The following NALF1 variants were observed in gnomAD, a reference collection of about 807,000 sequenced individuals.
The protein encoded by NALF1 is NALCN channel auxiliary factor 1, also known as family with sequence similarity 155 member A.
Under a neutral mutation model 48.4 loss-of-function variants are expected in NALF1, and 3 were observed. That is an observed-to-expected ratio of 0.06 (90% CI 0.03 to 0.16). NALF1 has a LOEUF of 0.16. Ranked by LOEUF, NALF1 falls within the 10% of genes least tolerant of loss-of-function variation. The pLI is 1.00. For synonymous variants in NALF1, 262 were observed against 245.7 expected, an observed-to-expected ratio of 1.07 and a Z score of -0.62; for missense variants, 526 against 571.5, an observed-to-expected ratio of 0.92 and a Z score of 0.81.
chr13:107,714,614 G>GT (rs1875695294), intron 1 of NALF1, among the ~76,000 whole-genome samples: 1 of 59,836 alleles, frequency 1.7e-5, no homozygotes, highest in Admixed American at 2.4e-4. Flanking sequence ...GGGTGACAGA[G>GT]TGAGGCTTTA....
chr13:107,575,207 GA>G (rs1248689038), intron 1 of NALF1, among the ~76,000 whole-genome samples: 2 of 152,074 alleles, frequency 1.3e-5, no homozygotes, highest in African/African-American at 4.8e-5. Flanking sequence ...GAACTTTGGT[GA>G]ATTTTTCACC....
At chr13:107,529,761 G>A (rs1876565769) in intron 1 of NALF1, among the ~76,000 whole-genome samples, 2 of 152,066 alleles carry the variant, frequency 1.3e-5, no homozygotes, top group Non-Finnish European at 2.9e-5. Context: ...ACTGCCATGT[G>A]AGAGAGGAAC....
At chr13:107,539,438 G>A (rs750986729) in intron 1 of NALF1, among the ~76,000 whole-genome samples, 28 of 149,838 alleles carry the variant, frequency 1.9e-4, no homozygotes, top group Non-Finnish European at 3.1e-4. Context: ...TATTAGCCCC[G>A]CTTCTCAACA....
At chr13:107,677,514 T>C (rs1881162238) in intron 1 of NALF1, among the ~76,000 whole-genome samples, 1 of 152,110 alleles carries the variant, frequency 6.6e-6, no homozygotes, top group Non-Finnish European at 1.5e-5. Context: ...GCTGAGCACA[T>C]TATTATTTAT....
At position 107,204,890 on chromosome 13, in the gene NALF1, A is replaced by G. The variant is rs750794690; in HGVS notation, c.1087+5694T>C. Among the ~76,000 whole-genome samples, 146 of 146,772 alleles carry G rather than the reference A, an allele frequency of 9.9e-4. 4 individuals are homozygous for G. The highest frequency in any genetic ancestry group is 2.4e-4 in the Non-Finnish European group (16 of 66,712). On this transcript the variant is annotated intron_variant, in intron 2 of 2. Coordinates refer to ENST00000375915, the MANE Select transcript of NALF1 (RefSeq NM_001080396.3). ...CCTGATTTTAAAAAATTAAATGAAC[A>G]TACGCATACGCAGGGGAAAATAAAT... is the stretch of plus-strand genomic sequence containing the variant.
At chr13:107,589,761 T>C (rs1878553347) in intron 1 of NALF1, among the ~76,000 whole-genome samples, 2 of 152,052 alleles carry the variant, frequency 1.3e-5, no homozygotes, top group Admixed American at 6.6e-5. Context: ...GTAAGTTATC[T>C]AGTAAACTTG....
At chr13:107,711,836 G>C (rs1219603952) in intron 1 of NALF1, among the ~76,000 whole-genome samples, 1 of 152,154 alleles carries the variant, frequency 6.6e-6, no homozygotes, top group African/African-American at 2.4e-5. Flanking sequence ...GTTTTTTACT[G>C]TAGCTATTGA....
intron 1 of NALF1, among the ~76,000 whole-genome samples, chr13:107,215,758 C>T (rs1443833947): frequency 6.6e-6 from 1 of 152,120 alleles, no homozygotes; most frequent in Admixed American, 6.5e-5. Context: ...GTGGTGTCCT[C>T]ATGTCCTCTC....
At chr13:107,294,856 G>A (rs1881694757) in intron 1 of NALF1, among the ~76,000 whole-genome samples, 1 of 152,198 alleles carries the variant, frequency 6.6e-6, no homozygotes, top group Non-Finnish European at 1.5e-5. Flanking sequence ...TGGTTATCGA[G>A]AGGATGAAAA....
At chr13:107,529,711 T>G (rs1462851674) in intron 1 of NALF1, among the ~76,000 whole-genome samples, 1 of 152,116 alleles carries the variant, frequency 6.6e-6, no homozygotes, top group Non-Finnish European at 1.5e-5. Flanking sequence ...GATGAATTAA[T>G]TACATCTTTT....
intron 1 of NALF1, among the ~76,000 whole-genome samples, chr13:107,278,444 G>C (rs1048057494): frequency 6.6e-6 from 1 of 152,184 alleles, no homozygotes; most frequent in Non-Finnish European, 1.5e-5. Flanking sequence ...AGGATTATAT[G>C]GGGTTTTGTT....
chr13:107,628,425 G>A (rs1167645500), intron 1 of NALF1, among the ~76,000 whole-genome samples: 1 of 151,992 alleles, frequency 6.6e-6, no homozygotes, highest in Non-Finnish European at 1.5e-5. Flanking sequence ...TTCCTTCAAG[G>A]AGAATGCCAA....
At chr13:107,515,842 T>C (rs1876034804) in intron 1 of NALF1, among the ~76,000 whole-genome samples, 1 of 152,154 alleles carries the variant, frequency 6.6e-6, no homozygotes, top group African/African-American at 2.4e-5. Context: ...AAAGAATAAT[T>C]TCAGGACTTG....
At chr13:107,297,982 T>C (rs1469639069) in intron 1 of NALF1, among the ~76,000 whole-genome samples, 1 of 152,146 alleles carries the variant, frequency 6.6e-6, no homozygotes, top group East Asian at 1.9e-4. Flanking sequence ...GTAAAACCCA[T>C]CTGCTGTCCA....
At chr13:107,855,671 T>C (rs1010502417) in intron 1 of NALF1, among the ~76,000 whole-genome samples, 2 of 152,118 alleles carry the variant, frequency 1.3e-5, no homozygotes, top group African/African-American at 2.4e-5. Context: ...TATAAGGTAA[T>C]AGTGAAGGTA....
chr13:107,557,269 A>G (rs1877508430), intron 1 of NALF1, among the ~76,000 whole-genome samples: 1 of 152,228 alleles, frequency 6.6e-6, no homozygotes, highest in Non-Finnish European at 1.5e-5. Context: ...CAAACAATGC[A>G]AACAAACAAG....
chr13:107,679,713 G>A (rs1408486822), intron 1 of NALF1, among the ~76,000 whole-genome samples: 1 of 152,104 alleles, frequency 6.6e-6, no homozygotes, highest in African/African-American at 2.4e-5. Context: ...GGGCAACCTG[G>A]CCTTCCCTGG....
intron 1 of NALF1, among the ~76,000 whole-genome samples, chr13:107,675,077 C>A (rs1881081112): frequency 6.6e-6 from 1 of 152,078 alleles, no homozygotes; most frequent in South Asian, 2.1e-4. Context: ...CAGATAGAGG[C>A]CAAGGAATTG....
Position 107,866,293 on chromosome 13 carries a change from A to C in NALF1, c.304T>G (p.Ser102Ala), listed in dbSNP as rs779187390. 10 of 1,604,570 alleles carry C rather than the reference A, an allele frequency of 6.2e-6. No individual in the cohort carries two copies. In the South Asian group the frequency reaches 1.1e-4, roughly 18 times the overall value. ...QQQQRRQQEP[S>A]WPALLASMGE... ...ATGCTCGCCAGGAGCGCGGGCCAGG[A>C]GGGCTCCTGCTGCCGCCGCTGCTGC... The change falls in exon 1 of 3, where the codon TCC becomes GCC. Residue 102 changes from serine to alanine, a missense_variant. Physicochemically the swap from Ser to Ala is moderately conservative, Grantham distance 99. Around this residue, in one of 2 missense-constraint regions of NALF1, gnomAD observed 373 missense variants for 355.5 expected, o/e 1.05. Transcript: ENST00000375915. The surrounding 1 kb of genome is among the most constrained non-coding windows in gnomAD (Gnocchi z 4.4).
Sources: gnomAD v4.1 joint callset for allele counts (sites outside exome capture counted in the v4.1 genomes callset) on GRCh38, gnomAD v4.1.1 for gene constraint, gnomAD v4.1.1 regional missense constraint, Gnocchi (gnomAD v3.1) non-coding constraint, MANE v1.5 for transcripts, NCBI Gene and HGNC (gene_info 2026-07-23, HGNC 2026-07-21) for gene names.